CCNY: variants seen among roughly 807,000 people sequenced by gnomAD.
CCNY encodes the protein cyclin-Y.
A neutral mutation model predicts 42.8 loss-of-function variants in CCNY; 19 were observed. The ratio of observed to expected loss-of-function variants is 0.44; its 90% CI spans 0.31 to 0.65. The LOEUF (loss-of-function observed/expected upper bound fraction) is 0.65. Among genes scored for constraint, CCNY ranks in the 30% least tolerant of loss-of-function variants. The pLI, the probability that CCNY is intolerant of heterozygous loss-of-function variation, is 0.07. For missense variants in CCNY, 370 were observed against 437.3 expected (o/e 0.85, Z 1.37); for synonymous variants, 165 against 162.7 (o/e 1.01, Z -0.11).
intron 1 of CCNY, among the ~76,000 whole-genome samples, chr10:35,399,371 C>T (rs973181107): frequency 1.5e-4 from 23 of 151,836 alleles, no homozygotes; most frequent in Non-Finnish European, 2.9e-4. Flanking sequence ...TCTTGGGTGT[C>T]TACTCCACTT....
chr10:35,405,045 G>A (rs1443565657), intron 1 of CCNY, among the ~76,000 whole-genome samples: 2 of 152,158 alleles, frequency 1.3e-5, no homozygotes, highest in African/African-American at 2.4e-5. Context: ...TTGAGGATAG[G>A]AGAGTATATG....
At chr10:35,307,567 G>A (rs951058677) in intron 3 of CCNY, among the ~76,000 whole-genome samples, 11 of 151,920 alleles carry the variant, frequency 7.2e-5, no homozygotes, top group Non-Finnish European at 1.6e-4. Context: ...ATCCTAAAAC[G>A]AGGCACAATT....
At chr10:35,493,635 A>C (rs1839946962) in intron 2 of CCNY, among the ~76,000 whole-genome samples, 1 of 152,224 alleles carries the variant, frequency 6.6e-6, no homozygotes, top group Non-Finnish European at 1.5e-5. Context: ...ATCCTCTGGA[A>C]TCAGACTGCC....
chr10:35,275,217 T>C (rs2135047502), intron 3 of CCNY, among the ~76,000 whole-genome samples: 1 of 151,798 alleles, frequency 6.6e-6, no homozygotes, highest in Non-Finnish European at 1.5e-5. Flanking sequence ...GCACCCGCCA[T>C]CATGCTCGGC....
At chr10:35,492,375 A>G (rs112875309) in intron 2 of CCNY, among the ~76,000 whole-genome samples, 4,792 of 152,160 alleles carry the variant, frequency 0.031, 240 homozygotes, top group African/African-American at 0.11. Context: ...TCTTCATTCC[A>G]TTGATTGTGA....
chr10:35,281,639 A>G (rs1244777193), intron 3 of CCNY, among the ~76,000 whole-genome samples: 1 of 152,160 alleles, frequency 6.6e-6, no homozygotes, highest in Non-Finnish European at 1.5e-5. Flanking sequence ...ATTATTATTC[A>G]TAATAGCTAA....
At position 35,259,201 on chromosome 10, in the gene CCNY, C is replaced by A. The variant is rs112160457; in HGVS notation, c.-9+8575C>A. Among the ~76,000 whole-genome samples the A allele has an allele frequency of 1.8e-4, 27 of 152,274 alleles. 2 individuals carry two copies. The highest frequency in any genetic ancestry group is 6.5e-4 in the African/African-American group (27 of 41,548). On this transcript the variant is annotated intron_variant, in intron 3 of 11. Transcript: ENST00000374706. ...TCCTATTCGATCATCTTTCCAGAAT[C>A]CTCTGTCCAGGCCTTTGTTTGAAAG...
chr10:35,382,334 C>G (rs929708774), intron 1 of CCNY, among the ~76,000 whole-genome samples: 1 of 152,198 alleles, frequency 6.6e-6, no homozygotes, highest in African/African-American at 2.4e-5. Flanking sequence ...GTGTGTGCGA[C>G]AGAGGCAAGA....
At chr10:35,253,414 A>AATTTTTTT (rs775450185) in intron 3 of CCNY, among the ~76,000 whole-genome samples, 5 of 89,028 alleles carry the variant, frequency 5.6e-5, no homozygotes, top group Non-Finnish European at 6.5e-5. Flanking sequence ...CATGCTCACT[A>AATTTTTTT]TTTTTTTTTT....
At chr10:35,294,916 T>C (rs1835452614) in intron 3 of CCNY, among the ~76,000 whole-genome samples, 1 of 152,174 alleles carries the variant, frequency 6.6e-6, no homozygotes, top group African/African-American at 2.4e-5. Flanking sequence ...TTTAATCTCT[T>C]TGTTATAGAT....
At chr10:35,470,475 G>A (rs779170459) in intron 1 of CCNY, among the ~76,000 whole-genome samples, 4 of 152,208 alleles carry the variant, frequency 2.6e-5, no homozygotes, top group Non-Finnish European at 4.4e-5. Flanking sequence ...ACATGTAGAC[G>A]TGTGGACACA....
intron 8 of CCNY, among the ~76,000 whole-genome samples, chr10:35,563,055 T>C (rs1380595157): frequency 6.6e-6 from 1 of 152,058 alleles, no homozygotes; most frequent in Non-Finnish European, 1.5e-5. Flanking sequence ...TAAATGCAGA[T>C]AGTAAATCCA....
chr10:35,481,003 G>T (rs923168245), intron 1 of CCNY, among the ~76,000 whole-genome samples: 1 of 152,124 alleles, frequency 6.6e-6, no homozygotes. Context: ...TGTTTACAGT[G>T]CATAAAACTC....
At chr10:35,371,518 A>G (rs1363550681) in intron 1 of CCNY, among the ~76,000 whole-genome samples, 1 of 152,154 alleles carries the variant, frequency 6.6e-6, no homozygotes, top group African/African-American at 2.4e-5. Context: ...GAGGTTCTCC[A>G]TGATCTCACC....
chr10:35,264,372 G>A (rs1446576561), intron 3 of CCNY, among the ~76,000 whole-genome samples: 1 of 152,064 alleles, frequency 6.6e-6, no homozygotes, highest in Non-Finnish European at 1.5e-5. Flanking sequence ...TCTGCCTCTA[G>A]GTCTTTGAGA....
At chr10:35,553,255 CTT>C in intron 8 of CCNY, 70 bp downstream of exon 8, 1 of 1,525,210 alleles carries the variant, frequency 6.6e-7, no homozygotes, top group African/African-American at 1.4e-5. Context: ...AAGCTGCCTC[CTT>C]TTTTAATGGT....
chr10:35,448,408 C>T (rs1838839195), intron 1 of CCNY, among the ~76,000 whole-genome samples: 2 of 152,020 alleles, frequency 1.3e-5, no homozygotes, highest in Non-Finnish European at 2.9e-5. Context: ...TTTGGCAAGC[C>T]CTTTAATTTC....
chr10:35,446,209 T>C (rs942307613), intron 1 of CCNY, among the ~76,000 whole-genome samples: 4 of 152,256 alleles, frequency 2.6e-5, no homozygotes, highest in African/African-American at 9.6e-5. Context: ...AAGGAAATGA[T>C]GGCTATTTCA....
At chr10:35,387,607 C>T (rs1837326713) in intron 1 of CCNY, among the ~76,000 whole-genome samples, 2 of 152,258 alleles carry the variant, frequency 1.3e-5, no homozygotes, top group Non-Finnish European at 2.9e-5. Flanking sequence ...GAGGGGAGTG[C>T]AGGTGTGCAT....
Sources: gnomAD v4.1 joint callset for allele counts (sites outside exome capture counted in the v4.1 genomes callset) on GRCh38, gnomAD v4.1.1 for gene constraint, MANE v1.5 for transcripts, NCBI Gene and HGNC (gene_info 2026-07-23, HGNC 2026-07-21) for gene names.